SART3: variants seen among roughly 807,000 people sequenced by gnomAD.
The protein encoded by SART3 is spliceosome associated factor 3, U4/U6 recycling protein.
A neutral mutation model predicts 122.3 loss-of-function variants in SART3; 44 were observed. The observed-to-expected ratio is 0.36, with a 90% CI of 0.28 to 0.46. The LOEUF (loss-of-function observed/expected upper bound fraction) is 0.46, where lower values mean the gene tolerates loss of function less well. Among genes scored for constraint, SART3 ranks in the 20% least tolerant of loss-of-function variants. The pLI is 1.00. For missense variants in SART3, 1,101 were observed against 1,229.0 expected (o/e 0.90, Z 1.56); for synonymous variants, 442 against 454.0 (o/e 0.97, Z 0.34).
At position 108,544,411 on chromosome 12, in the gene SART3, T is replaced by G; in HGVS notation, c.781+16A>C. 1 of 1,606,530 alleles carries G rather than the reference T, an allele frequency of 6.2e-7. No individual in the cohort carries two copies. The highest frequency in any genetic ancestry group is 8.5e-7 in the Non-Finnish European group (1 of 1,172,958). On this transcript the variant is annotated intron_variant, in intron 5 of 18. Transcript: ENST00000546815. ...AACCATAGAGGGCTGGCTGTTGACA[T>G]GTCAGTTTCTCTTACCATAGAGTGG...
At chr12:108,526,919 G>A (rs560969649) in intron 15 of SART3, among the ~76,000 whole-genome samples, 245 of 152,338 alleles carry the variant, frequency 1.6e-3, no homozygotes, top group Middle Eastern at 3.4e-3. Flanking sequence ...ATGAGAATCT[G>A]CACTGGAAAA....
chr12:108,539,712 G>A (rs1175159161), intron 6 of SART3, among the ~76,000 whole-genome samples: 1 of 152,174 alleles, frequency 6.6e-6, no homozygotes, highest in Non-Finnish European at 1.5e-5. Flanking sequence ...ACAGGTACAT[G>A]CAAATCATTT....
chr12:108,549,299 C>T (rs951794092), intron 1 of SART3, 85 bp from the exon 2 acceptor site: 18 of 1,430,266 alleles, frequency 1.3e-5, no homozygotes, highest in Non-Finnish European at 1.5e-5. Flanking sequence ...TACACATATA[C>T]CTGCCACAAA....
In SART3 at chr12:108,550,396, C is replaced by G. The variant is rs201611743; in HGVS notation, c.313-1182G>C. Among the ~76,000 whole-genome samples, 3 of 152,154 alleles carry G rather than the reference C, an allele frequency of 2.0e-5. No individual in the cohort carries two copies. The East Asian group carries it at 5.8e-4, about 29-fold the overall frequency. ...CAAACATTGTAAGAACTTCTGATAC[C>G]CAACACAGTATTATTTAAAAGTGGG... On this transcript the variant is annotated intron_variant, in intron 1 of 18. Transcript: ENST00000546815.
chr12:108,544,972 TATA>T lies in SART3; in HGVS notation c.729+164_729+166del. The T allele has an allele frequency of 3.9e-6, 3 of 765,636 alleles. 1 individual carries two copies. The South Asian group carries it at 4.3e-5, about 11-fold the overall frequency. The allele number at this position is 765,636 out of a possible 1,614,324, so 47.4% of individuals were successfully genotyped here. A position where few individuals can be genotyped will look rare whatever the true frequency, so the allele number is the denominator to read the frequency against. The stretch of plus-strand genomic sequence containing the variant: ...ATATTGTACCAAATGCTAGAAGGGG[TATA>T]AAAAAAGGTTATCTATCACCCCACC... On this transcript the variant is annotated intron_variant, in intron 4 of 18. Coordinates refer to ENST00000546815, the MANE Select transcript of SART3 (RefSeq NM_014706.4).
intron 15 of SART3, 130 bp downstream of exon 15, chr12:108,530,012 C>A: frequency 9.2e-7 from 1 of 1,083,612 alleles, no homozygotes; most frequent in South Asian, 1.3e-5. Context: ...AAGACATACA[C>A]CCTAACAGTG....
chr12:108,545,862 A>T (rs1052436751), intron 3 of SART3, among the ~76,000 whole-genome samples: 2 of 149,312 alleles, frequency 1.3e-5, no homozygotes, highest in African/African-American at 4.9e-5. Flanking sequence ...GCTACTCAGG[A>T]GGCTGAGGCA....
rs1297508834 is a variant in SART3 at position 108,545,278 on chromosome 12, A to G, written c.590T>C (p.Ile197Thr). 5 of 1,614,218 alleles carry G rather than the reference A, an allele frequency of 3.1e-6. No individual in the cohort carries two copies. The highest frequency in any genetic ancestry group is 1.1e-5 in the South Asian group (1 of 91,080). ...LEYGQYSVGG[I>T]GQKGGLEKVR... ...TTTCTCAAGGCCACCTTTCTGACCA[A>G]TCCCACCAACTGAGTACTGGCCATA... The change falls in exon 4 of 19, where the codon ATT becomes ACT. Residue 197 changes from isoleucine to threonine, a missense_variant. Coordinates refer to ENST00000546815, the MANE Select transcript of SART3 (RefSeq NM_014706.4).
intron 1 of SART3, among the ~76,000 whole-genome samples, chr12:108,555,679 T>C (rs1049658639): frequency 2.6e-5 from 4 of 152,094 alleles, no homozygotes; most frequent in African/African-American, 9.7e-5. Flanking sequence ...ATAGAAAGAA[T>C]ATTCAATACC....
rs116298235 is a variant in SART3, at chr12:108,531,222, G to A, written c.1728C>T (p.Val576=). Residue 576 remains valine, a synonymous_variant, in exon 14 of 19, where the codon GTC becomes GTT. Coordinates refer to ENST00000546815, the MANE Select transcript of SART3 (RefSeq NM_014706.4). Reference sequence around the variant, plus strand: ...TCATTACCTTCATTCTCTGCTCATTGACACGAGCTAATCGGGTTTCAGTTT... The same window carrying A: ...TCATTACCTTCATTCTCTGCTCATTAACACGAGCTAATCGGGTTTCAGTTT... ...VQKTETRLAR[V]NEQRMKAAEK... is the part of the protein sequence containing the mutation. 3.1e-6 allele frequency: 5 copies of A among 1,613,882 alleles called. No individual in the cohort carries two copies. In the African/African-American group the frequency reaches 6.7e-5, roughly 22 times the overall value.
At chr12:108,545,837 G>A (rs1873385420) in intron 3 of SART3, among the ~76,000 whole-genome samples, 2 of 151,782 alleles carry the variant, frequency 1.3e-5, no homozygotes, top group Admixed American at 1.3e-4. Flanking sequence ...GTTGTGGCAG[G>A]CACCTGTAGT....
Position 108,532,234 on chromosome 12 carries a change from C to T in SART3, c.1657G>A (p.Glu553Lys). 1 of 1,614,044 alleles carries T rather than the reference C, an allele frequency of 6.2e-7. No homozygotes were observed. The highest frequency in any genetic ancestry group is 8.5e-7 in the Non-Finnish European group (1 of 1,179,946). The change falls in exon 13 of 19, where the codon GAG becomes AAG. Residue 553 changes from glutamate to lysine, a missense_variant. By Grantham distance (56) the Glu-to-Lys change is moderately conservative. This residue lies in a region of SART3 where 885 missense variants were observed against 1,080.1 expected (regional missense o/e 0.82). Coordinates refer to ENST00000546815, the MANE Select transcript of SART3 (RefSeq NM_014706.4). ...CTGGGGGTCCCACCTTCTGTCCTCT[C>T]CATGGTGAGTAACACTTCGCAGACG... ...EHVCEVLLTMERTEGSLEDWD... is the reference protein window; with the variant it reads ...EHVCEVLLTMKRTEGSLEDWD...
intron 1 of SART3, 106 bp downstream of exon 1, chr12:108,560,737 G>T: frequency 1.9e-6 from 2 of 1,036,010 alleles, no homozygotes. Flanking sequence ...CGGGTTTGCA[G>T]CCTTGGCGGC....
chr12:108,544,847 G>A (rs1427036433), intron 4 of SART3: 7 of 571,506 alleles, frequency 1.2e-5, no homozygotes, highest in Non-Finnish European at 2.2e-5. Flanking sequence ...TTACAAGCAT[G>A]AGCCACCGCA....
intron 15 of SART3, among the ~76,000 whole-genome samples, chr12:108,526,910 T>C (rs1872412500): frequency 6.6e-6 from 1 of 152,220 alleles, no homozygotes; most frequent in African/African-American, 2.4e-5. Context: ...GGATAGGACA[T>C]GAGAATCTGC....
intron 1 of SART3, among the ~76,000 whole-genome samples, chr12:108,550,106 C>T (rs971432145): frequency 6.7e-6 from 1 of 149,624 alleles, no homozygotes; most frequent in African/African-American, 2.5e-5. Context: ...GTGACAGGTA[C>T]ATAAAGTTTT....
At chr12:108,542,919 C>T in intron 6 of SART3, 109 bp downstream of exon 6, 1 of 1,402,616 alleles carries the variant, frequency 7.1e-7, no homozygotes, top group Non-Finnish European at 1.0e-6. Flanking sequence ...CATTTATACA[C>T]TCTATATATT....
intron 14 of SART3, 137 bp downstream of exon 14, chr12:108,531,067 T>C: frequency 1.5e-6 from 1 of 678,802 alleles, no homozygotes; most frequent in Non-Finnish European, 2.6e-6. Context: ...GGTTTAAGCA[T>C]TGATCTAAAT....
At chr12:108,544,669 A>G in intron 4 of SART3, 191 bp from the exon 5 acceptor site, 1 of 748,158 alleles carries the variant, frequency 1.3e-6, no homozygotes, top group East Asian at 2.7e-5. Context: ...AGGCTCATGC[A>G]ATCCTCCCAC....
Sources: gnomAD v4.1 joint callset for allele counts (sites outside exome capture counted in the v4.1 genomes callset) on GRCh38, gnomAD v4.1.1 for gene constraint, gnomAD v4.1.1 regional missense constraint, MANE v1.5 for transcripts, NCBI Gene and HGNC (gene_info 2026-07-23, HGNC 2026-07-21) for gene names.